USP6NL: variants seen among roughly 807,000 people sequenced by gnomAD.
USP6NL encodes USP6 N-terminal-like protein.
USP6NL carries 26 observed loss-of-function variants against 61.9 expected under a neutral mutation model. The ratio of observed to expected loss-of-function variants is 0.42; its 90% CI spans 0.31 to 0.58. The LOEUF (loss-of-function observed/expected upper bound fraction) is 0.58. Ranked by LOEUF, USP6NL falls within the 20% of genes least tolerant of loss-of-function variation. USP6NL has a pLI of 0.16. For missense variants in USP6NL, 1,114 were observed against 1,034.3 expected, an observed-to-expected ratio of 1.08 and a Z score of -1.06; for synonymous variants, 432 against 390.1, an observed-to-expected ratio of 1.11 and a Z score of -1.27.
In USP6NL at chr10:11,538,911, T is replaced by C. The variant is rs567977615; in HGVS notation, c.5-11344A>G. 1.2e-4 allele frequency among the ~76,000 whole-genome samples: 15 copies of C among 120,372 alleles called. No individual in the cohort carries two copies. In the East Asian group the frequency reaches 4.1e-3, roughly 33 times the overall value. 79.0% of individuals were successfully genotyped at this position (120,372 alleles called of 152,430 possible). On this transcript the variant is annotated intron_variant, in intron 2 of 14. Transcript: ENST00000609104. The stretch of plus-strand genomic sequence containing the variant: ...CTCCAACCCTCTCTTCACTCTGCTC[T>C]TCATCTCTCCTACTCGCAGAGCTGC...
At chr10:11,494,570 C>T (rs530877033) in intron 7 of USP6NL, among the ~76,000 whole-genome samples, 1 of 152,094 alleles carries the variant, frequency 6.6e-6, no homozygotes, top group Non-Finnish European at 1.5e-5. Context: ...ATGCGCGGAG[C>T]CCAGTAGTGG....
intron 14 of USP6NL, among the ~76,000 whole-genome samples, chr10:11,466,181 C>G (rs781246281): frequency 2.0e-5 from 3 of 152,196 alleles, no homozygotes; most frequent in Non-Finnish European, 4.4e-5. Context: ...CCTAGACACT[C>G]AGCTATCACT....
chr10:11,570,412 A>G (rs1837314168), intron 2 of USP6NL, among the ~76,000 whole-genome samples: 1 of 152,208 alleles, frequency 6.6e-6, no homozygotes, highest in Non-Finnish European at 1.5e-5. Flanking sequence ...TGGAAATGGA[A>G]AGGTCAGGAC....
chr10:11,579,049 A>AG (rs1837651377), intron 2 of USP6NL, among the ~76,000 whole-genome samples: 1 of 152,212 alleles, frequency 6.6e-6, no homozygotes. Context: ...CACTGGATGC[A>AG]GGGGGAAAAA....
intron 2 of USP6NL, among the ~76,000 whole-genome samples, chr10:11,583,240 G>A (rs1315424306): frequency 6.8e-6 from 1 of 148,130 alleles, no homozygotes; most frequent in Non-Finnish European, 1.5e-5. Context: ...CCAGGCTGGA[G>A]TGCAGTGGCA....
chr10:11,576,827 C>G (rs1837563444), intron 2 of USP6NL, among the ~76,000 whole-genome samples: 1 of 152,126 alleles, frequency 6.6e-6, no homozygotes, highest in Non-Finnish European at 1.5e-5. Flanking sequence ...GTCCTAGCTA[C>G]TTTTGGCTCT....
chr10:11,506,734 A>AT (rs61090708), intron 6 of USP6NL, among the ~76,000 whole-genome samples: 2,605 of 146,772 alleles, frequency 0.018, 35 homozygotes, highest in African/African-American at 0.04. Context: ...CCTTAACAGA[A>AT]TTTTTTTTTT....
chr10:11,494,121 A>T (rs754653583), intron 7 of USP6NL, among the ~76,000 whole-genome samples: 6 of 152,126 alleles, frequency 3.9e-5, no homozygotes, highest in Non-Finnish European at 8.8e-5. Context: ...CTCTTATTTA[A>T]CTATTTGGCT....
chr10:11,492,960 G>C (rs1833762866), intron 8 of USP6NL, among the ~76,000 whole-genome samples, 159 bp downstream of exon 8: 2 of 152,238 alleles, frequency 1.3e-5, no homozygotes, highest in South Asian at 4.1e-4. Flanking sequence ...AGTTAAATTA[G>C]ATCTTAAGTT....
At chr10:11,590,326 G>A (rs944508445) in intron 2 of USP6NL, among the ~76,000 whole-genome samples, 1 of 152,132 alleles carries the variant, frequency 6.6e-6, no homozygotes, top group Non-Finnish European at 1.5e-5. Context: ...CACACTACAG[G>A]AAATGAGATT....
Position 11,532,114 on chromosome 10 carries a change from T to C in USP6NL, c.5-4547A>G. On this transcript the variant is annotated intron_variant, in intron 2 of 14. Transcript: ENST00000609104. This position sits in a 1 kb window ranked among gnomAD's most constrained non-coding sequence, Gnocchi z 4.1. ...AAAATTTACAGCAGACCATTTTTCC[T>C]AGAGTACATTTTGACAGATGAACGT... The C allele has an allele frequency of 1.7e-6, 2 of 1,197,010 alleles. No homozygotes were observed. The highest frequency in any genetic ancestry group is 2.9e-5 in the South Asian group (2 of 68,896). The allele number at this position is 1,197,010 out of a possible 1,614,324, so 74.1% of individuals were successfully genotyped here. A position where few individuals can be genotyped will look rare whatever the true frequency, so the allele number is the denominator to read the frequency against.
In USP6NL at chr10:11,602,568, C is replaced by T. The variant is rs1046518966; in HGVS notation, c.-83-4851G>A. Among the ~76,000 whole-genome samples, 2 of 152,178 alleles carry T rather than the reference C, an allele frequency of 1.3e-5. No individual in the cohort carries two copies. The highest frequency in any genetic ancestry group is 2.9e-5 in the Non-Finnish European group (2 of 68,032). On this transcript the variant is annotated intron_variant, in intron 1 of 14. Transcript: ENST00000609104. This position sits in a 1 kb window ranked among gnomAD's most constrained non-coding sequence, Gnocchi z 4.8. The stretch of plus-strand genomic sequence containing the variant: ...ACAGCACAGTAATTTCAGTACCCTC[C>T]TTCCTTCATTGAGATTCACGGTTCA...
chr10:11,597,496 G>A lies in USP6NL; in HGVS notation c.4+135C>T, dbSNP rs1838367789. On this transcript the variant is annotated intron_variant, in intron 2 of 14. Coordinates refer to ENST00000609104, the MANE Select transcript of USP6NL (RefSeq NM_014688.5). This position sits in a 1 kb window ranked among gnomAD's most constrained non-coding sequence, Gnocchi z 4.6. ...GTCTTAACACAGACAAGCGCAGAGTGCTGGGTGGAACCACATTCAAACTCT... is the reference window on the plus strand; with the variant it reads ...GTCTTAACACAGACAAGCGCAGAGTACTGGGTGGAACCACATTCAAACTCT... 1.1e-6 allele frequency: 1 copy of A among 889,764 alleles called. No homozygotes were observed. Among genetic ancestry groups the A allele is most frequent in the Non-Finnish European group, 1.8e-6 (1 of 549,868 alleles). 55.1% of individuals were successfully genotyped at this position (889,764 alleles called of 1,614,324 possible).
rs1835714790 is a variant in USP6NL at position 11,532,967 on chromosome 10, C to T, written c.5-5400G>A. On this transcript the variant is annotated intron_variant, in intron 2 of 14. Coordinates refer to ENST00000609104, the MANE Select transcript of USP6NL (RefSeq NM_014688.5). This position sits in a 1 kb window ranked among gnomAD's most constrained non-coding sequence, Gnocchi z 4.1. ...CTGTTTTATTTACTCCTTCCTTCTT[C>T]CCTTCATTGTTTCTCCCTTTCTCTT... Among the ~76,000 whole-genome samples, 1 of 152,198 alleles carries T rather than the reference C, an allele frequency of 6.6e-6. No homozygotes were observed. The highest frequency in any genetic ancestry group is 2.4e-5 in the African/African-American group (1 of 41,436).
Position 11,562,833 on chromosome 10 carries a change from A to G in USP6NL, c.4+34798T>C. ...ATTAGTAAATAAGTTTTAGAAGAATAATAGTAAGGGTCTTTTGGTAGTTTC... is the reference window on the plus strand; with the variant it reads ...ATTAGTAAATAAGTTTTAGAAGAATGATAGTAAGGGTCTTTTGGTAGTTTC... On this transcript the variant is annotated intron_variant, in intron 2 of 14. Transcript: ENST00000609104. The surrounding 1 kb of genome is among the most constrained non-coding windows in gnomAD (Gnocchi z 4.8). 1.0e-6 allele frequency: 1 copy of G among 955,822 alleles called. No individual in the cohort carries two copies. Among genetic ancestry groups the G allele is most frequent in the South Asian group, 4.8e-5 (1 of 20,656 alleles). The allele number at this position is 955,822 out of a possible 1,614,324, so 59.2% of individuals were successfully genotyped here. A position where few individuals can be genotyped will look rare whatever the true frequency, so the allele number is the denominator to read the frequency against.
chr10:11,463,717 T>C lies in USP6NL; in HGVS notation c.1211A>G (p.Glu404Gly), dbSNP rs1373829817. ...RPSPLASGRRESGAPHRRHEH... is the reference protein window; with the variant it reads ...RPSPLASGRRGSGAPHRRHEH... Reference sequence around the variant, plus strand: ...GTGCCTCCTGTGGGGCGCCCCGCTCTCCCTCCTGCCGCTGGCCAGCGGGCT... The same window carrying C: ...GTGCCTCCTGTGGGGCGCCCCGCTCCCCCTCCTGCCGCTGGCCAGCGGGCT... The change falls in exon 15 of 15, where the codon GAG (glutamate) becomes GGG (glycine). Residue 404 changes from glutamate to glycine, a missense_variant. Physicochemically the swap from Glu to Gly is moderately conservative, Grantham distance 98 (BLOSUM62 -2). Coordinates refer to ENST00000609104, the MANE Select transcript of USP6NL (RefSeq NM_014688.5). The surrounding 1 kb of genome is among the most constrained non-coding windows in gnomAD (Gnocchi z 6.3). 6 of 1,609,444 alleles carry C rather than the reference T, an allele frequency of 3.7e-6. No homozygotes were observed. Among genetic ancestry groups the C allele is most frequent in the Non-Finnish European group, 5.1e-6 (6 of 1,177,590 alleles).
In USP6NL at chr10:11,553,784, T is replaced by C. The variant is rs1164419925; in HGVS notation, c.5-26217A>G. Among the ~76,000 whole-genome samples, 1 of 151,288 alleles carries C rather than the reference T, an allele frequency of 6.6e-6. No homozygotes were observed. The highest frequency in any genetic ancestry group is 2.4e-5 in the African/African-American group (1 of 41,114). ...GGTGGTGGGCGCCTGTAATCCCAACTACTCGCGAGGCTCAGGCAAGAGAAC... is the reference window on the plus strand; with the variant it reads ...GGTGGTGGGCGCCTGTAATCCCAACCACTCGCGAGGCTCAGGCAAGAGAAC... On this transcript the variant is annotated intron_variant, in intron 2 of 14. Coordinates refer to ENST00000609104, the MANE Select transcript of USP6NL (RefSeq NM_014688.5). This position sits in a 1 kb window ranked among gnomAD's most constrained non-coding sequence, Gnocchi z 4.8.
At chr10:11,601,151 C>T (rs1838514109) in intron 1 of USP6NL, among the ~76,000 whole-genome samples, 1 of 152,018 alleles carries the variant, frequency 6.6e-6, no homozygotes, top group South Asian at 2.1e-4. Flanking sequence ...TTTATATAAT[C>T]AAGTACTATG....
At chr10:11,588,382 T>C (rs780514018) in intron 2 of USP6NL, among the ~76,000 whole-genome samples, 22 of 152,162 alleles carry the variant, frequency 1.4e-4, no homozygotes, top group Non-Finnish European at 2.9e-4. Context: ...TGCAAAAGAA[T>C]GGCGTTGTTT....
Sources: gnomAD v4.1 joint callset for allele counts (sites outside exome capture counted in the v4.1 genomes callset) on GRCh38, gnomAD v4.1.1 for gene constraint, Gnocchi (gnomAD v3.1) non-coding constraint, MANE v1.5 for transcripts, NCBI Gene and HGNC (gene_info 2026-07-23, HGNC 2026-07-21) for gene names.